Variants in NOL4 observed in about 807,000 individuals in gnomAD.
The protein encoded by NOL4 is cancer/testis antigen 125.
In NOL4, 17 loss-of-function variants were observed where a neutral mutation model predicts 75.9. The ratio of observed to expected loss-of-function variants is 0.22; its 90% CI spans 0.15 to 0.34. NOL4 has a LOEUF of 0.34. Ranked by LOEUF, NOL4 falls within the 10% of genes least tolerant of loss-of-function variation. The pLI is 1.00. For missense variants in NOL4, 614 were observed against 793.5 expected (o/e 0.77, Z 2.72); for synonymous variants, 292 against 289.9 (o/e 1.01, Z -0.07).
intron 2 of NOL4, among the ~76,000 whole-genome samples, chr18:34,111,635 T>C (rs949025848): frequency 2.5e-4 from 38 of 152,296 alleles, no homozygotes; most frequent in African/African-American, 8.4e-4. Flanking sequence ...GTCTAGATTA[T>C]TTCATTATAG....
intron 6 of NOL4, among the ~76,000 whole-genome samples, chr18:34,012,530 G>A (rs1166177107): frequency 6.6e-6 from 1 of 151,792 alleles, no homozygotes; most frequent in East Asian, 1.9e-4. Context: ...AAATACATAT[G>A]TTTATATATG....
chr18:34,029,548 C>T (rs2075527494), intron 5 of NOL4, among the ~76,000 whole-genome samples: 1 of 152,148 alleles, frequency 6.6e-6, no homozygotes, highest in African/African-American at 2.4e-5. Context: ...GCCCACTTAA[C>T]ACTCAGGAGC....
At chr18:33,972,884 G>A (rs981706014) in intron 6 of NOL4, among the ~76,000 whole-genome samples, 35 of 152,174 alleles carry the variant, frequency 2.3e-4, no homozygotes, top group Admixed American at 6.5e-5. Context: ...CTGGAAGAAG[G>A]TCTTGCCCCC....
intron 6 of NOL4, among the ~76,000 whole-genome samples, chr18:33,982,055 T>C (rs1183396924): frequency 6.6e-6 from 1 of 151,932 alleles, no homozygotes; most frequent in African/African-American, 2.4e-5. Context: ...AAAAATATAA[T>C]TGATACGATA....
intron 5 of NOL4, among the ~76,000 whole-genome samples, chr18:34,032,346 T>A (rs1348107464): frequency 3.3e-5 from 5 of 152,110 alleles, no homozygotes; most frequent in Non-Finnish European, 7.4e-5. Context: ...CTGCCTACCA[T>A]GCTGACACCC....
chr18:34,025,658 C>A (rs959105506), intron 5 of NOL4, among the ~76,000 whole-genome samples: 1 of 152,068 alleles, frequency 6.6e-6, no homozygotes, highest in Non-Finnish European at 1.5e-5. Flanking sequence ...ATCTGAAATT[C>A]CCTCACAGAA....
Position 33,872,368 on chromosome 18 carries a change from C to T in NOL4, c.1723+10876G>A, listed in dbSNP as rs116810214. Among the ~76,000 whole-genome samples, 1,256 of 151,972 alleles carry T rather than the reference C, an allele frequency of 8.3e-3. 19 individuals are homozygous for T. Among genetic ancestry groups the T allele is most frequent in the African/African-American group, 0.028 (1,165 of 41,474 alleles). On this transcript the variant is annotated intron_variant, in intron 10 of 10. Transcript: ENST00000261592. ...GTTCTTCTCAGAACCTTAACATGAC[C>T]GGATGTTATTTAAAAGCCAGGCAGT...
chr18:34,072,908 C>CA (rs1264913559), intron 5 of NOL4, among the ~76,000 whole-genome samples: 1 of 151,954 alleles, frequency 6.6e-6, no homozygotes, highest in Non-Finnish European at 1.5e-5. Flanking sequence ...AATATGAAAA[C>CA]AAAATGTATC....
chr18:33,985,933 T>G (rs1001589109), intron 6 of NOL4, among the ~76,000 whole-genome samples: 15 of 152,076 alleles, frequency 9.9e-5, no homozygotes, highest in African/African-American at 3.6e-4. Context: ...ATGAAGAAAT[T>G]GGGATATAGA....
chr18:33,884,271 T>C (rs2064497634), intron 9 of NOL4, among the ~76,000 whole-genome samples: 1 of 152,142 alleles, frequency 6.6e-6, no homozygotes, highest in Non-Finnish European at 1.5e-5. Flanking sequence ...TGTATGTGTG[T>C]GTGTGTCTTT....
At chr18:34,064,337 A>G (rs2077180474) in intron 5 of NOL4, among the ~76,000 whole-genome samples, 1 of 152,008 alleles carries the variant, frequency 6.6e-6, no homozygotes, top group Admixed American at 6.6e-5. Flanking sequence ...CTATGCAAAT[A>G]ATACTGCAGT....
intron 1 of NOL4, among the ~76,000 whole-genome samples, chr18:34,171,671 T>G (rs774198631): frequency 6.6e-6 from 1 of 152,162 alleles, no homozygotes; most frequent in Non-Finnish European, 1.5e-5. Context: ...ATTCTTCTAG[T>G]AATGCTTGCT....
intron 1 of NOL4, among the ~76,000 whole-genome samples, chr18:34,142,231 C>T (rs1222538840): frequency 7.9e-5 from 12 of 152,192 alleles, no homozygotes; most frequent in Middle Eastern, 3.4e-3. Flanking sequence ...AAGCTGTTGG[C>T]GGGACTGTAA....
chr18:33,912,960 A>T (rs1157097793), intron 9 of NOL4, among the ~76,000 whole-genome samples: 2 of 152,070 alleles, frequency 1.3e-5, no homozygotes, highest in African/African-American at 2.4e-5. Flanking sequence ...CAGTGTCTTG[A>T]TCAGTATATG....
At chr18:34,100,430 C>A (rs1440147463) in intron 4 of NOL4, among the ~76,000 whole-genome samples, 1 of 152,140 alleles carries the variant, frequency 6.6e-6, no homozygotes, top group African/African-American at 2.4e-5. Flanking sequence ...CTGAGCACCC[C>A]ATAAAAACTG....
chr18:34,199,351 T>C (rs1455388694), intron 1 of NOL4, among the ~76,000 whole-genome samples: 1 of 151,720 alleles, frequency 6.6e-6, no homozygotes, highest in Non-Finnish European at 1.5e-5. Flanking sequence ...GTAGATGAAA[T>C]CTGGCTAAAA....
At chr18:34,046,395 C>T (rs2076366492) in intron 5 of NOL4, among the ~76,000 whole-genome samples, 1 of 151,600 alleles carries the variant, frequency 6.6e-6, no homozygotes, top group Non-Finnish European at 1.5e-5. Flanking sequence ...ATTACAAATC[C>T]CTGCCAGTCT....
intron 5 of NOL4, among the ~76,000 whole-genome samples, chr18:34,029,882 C>T (rs1057153108): frequency 2.6e-5 from 4 of 152,040 alleles, no homozygotes; most frequent in Non-Finnish European, 4.4e-5. Flanking sequence ...ACCAACACAA[C>T]ATAATAACCA....
At chr18:33,892,960 T>C (rs1399745761) in intron 9 of NOL4, among the ~76,000 whole-genome samples, 1 of 151,976 alleles carries the variant, frequency 6.6e-6, no homozygotes, top group Non-Finnish European at 1.5e-5. Context: ...ACTGCACCCA[T>C]CCAGAAAATA....
Sources: allele counts gnomAD v4.1 joint callset (sites outside exome capture counted in the v4.1 genomes callset), GRCh38; gene constraint gnomAD v4.1.1; transcripts MANE v1.5; gene names NCBI Gene and HGNC (gene_info 2026-07-23, HGNC 2026-07-21).